The following PTPRS variants were observed in gnomAD, a reference collection of about 807,000 sequenced individuals.
PTPRS encodes receptor-type tyrosine-protein phosphatase S.
Under a neutral mutation model 215.3 loss-of-function variants are expected in PTPRS, and 63 were observed. That is an observed-to-expected ratio of 0.29 (90% confidence interval 0.24 to 0.36). The LOEUF (loss-of-function observed/expected upper bound fraction) is 0.36. Ranked by LOEUF, PTPRS falls within the 10% of genes least tolerant of loss-of-function variation. PTPRS has a pLI of 1.00. For missense variants in PTPRS, 2,258 were observed against 2,825.8 expected (o/e 0.80, Z 4.56); for synonymous variants, 1,404 against 1,191.4 (o/e 1.18, Z -3.68).
At chr19:5,273,656 G>A (rs924525743) in intron 3 of PTPRS, 73 bp from the exon 4 acceptor site, 2 of 1,572,514 alleles carry the variant, frequency 1.3e-6, no homozygotes, top group Non-Finnish European at 8.7e-7. Context: ...GGCTGGGCTA[G>A]GCTGGGCTGT....
At chr19:5,238,750 G>A (rs1366198558) in intron 13 of PTPRS, among the ~76,000 whole-genome samples, 169 bp downstream of exon 13, 5 of 152,244 alleles carry the variant, frequency 3.3e-5, no homozygotes, top group African/African-American at 9.6e-5. Context: ...GGGATACTGA[G>A]GCACAGCGCG....
intron 4 of PTPRS, among the ~76,000 whole-genome samples, chr19:5,268,922 C>T (rs962989327): frequency 6.6e-6 from 1 of 152,206 alleles, no homozygotes; most frequent in Non-Finnish European, 1.5e-5. Context: ...GGCTGGATGC[C>T]GTCTGAGGCA....
In PTPRS at chr19:5,206,197, AAGTT is replaced by A. The variant is rs1380920151; in HGVS notation, c.*573_*576del. Reference sequence around the variant, plus strand: ...CTTTGAACAGAATATGAATAAGCCAAAGTTAGTTCTCTTTGAAAGTCATTGACTG... The same window carrying A: ...CTTTGAACAGAATATGAATAAGCCAAAGTTCTCTTTGAAAGTCATTGACTG... On this transcript the variant is annotated 3_prime_UTR_variant, in exon 38 of 38. Coordinates refer to ENST00000262963, the MANE Select transcript of PTPRS (RefSeq NM_002850.4). Among the ~76,000 whole-genome samples, 1 of 151,842 alleles carries A rather than the reference AAGTT, an allele frequency of 6.6e-6. No individual in the cohort carries two copies. Among genetic ancestry groups the A allele is most frequent in the Non-Finnish European group, 1.5e-5 (1 of 67,994 alleles).
intron 4 of PTPRS, among the ~76,000 whole-genome samples, chr19:5,272,234 A>G (rs2046969918): frequency 6.6e-6 from 1 of 152,158 alleles, no homozygotes; most frequent in Admixed American, 6.6e-5. Flanking sequence ...ATTTGTTCAC[A>G]AAATTGCTTC....
At chr19:5,258,255 G>T in intron 7 of PTPRS, 128 bp from the exon 8 acceptor site, 1 of 754,770 alleles carries the variant, frequency 1.3e-6, no homozygotes, top group Non-Finnish European at 2.2e-6. Flanking sequence ...CAGATAAGAG[G>T]TGAGAAAACC....
intron 4 of PTPRS, among the ~76,000 whole-genome samples, chr19:5,272,221 A>G (rs894773554): frequency 2.0e-4 from 30 of 152,168 alleles, no homozygotes; most frequent in East Asian, 3.9e-4. Flanking sequence ...ATGCTGAACA[A>G]AAATTTGTTC....
chr19:5,243,324 T>C (rs2044207966), intron 11 of PTPRS, among the ~76,000 whole-genome samples: 1 of 149,558 alleles, frequency 6.7e-6, no homozygotes, highest in South Asian at 2.1e-4. Context: ...TTAACAGAAA[T>C]GGGGTTTCAC....
At chr19:5,273,110 C>T in intron 4 of PTPRS, 1 of 320,820 alleles carries the variant, frequency 3.1e-6, no homozygotes, top group Non-Finnish European at 5.9e-6. Context: ...AAGCCAGCCA[C>T]TCCATGGAAT....
chr19:5,296,587 G>A (rs78871930), intron 1 of PTPRS, among the ~76,000 whole-genome samples: 6,207 of 152,178 alleles, frequency 0.041, 275 homozygotes, highest in East Asian at 0.16. Context: ...GAGAGAAAGT[G>A]AAAGAGGATT....
At chr19:5,336,844 G>A (rs1290536343) in intron 1 of PTPRS, among the ~76,000 whole-genome samples, 1 of 152,132 alleles carries the variant, frequency 6.6e-6, no homozygotes, top group Non-Finnish European at 1.5e-5. Flanking sequence ...TCCCCTCCCT[G>A]GGCATCTTTT....
intron 1 of PTPRS, among the ~76,000 whole-genome samples, chr19:5,309,544 C>G (rs923806494): frequency 6.6e-6 from 1 of 152,170 alleles, no homozygotes; most frequent in African/African-American, 2.4e-5. Flanking sequence ...AACTCCATGT[C>G]TCCAGGGAGA....
At chr19:5,240,426 C>T (rs759425476) in intron 11 of PTPRS, 94 bp from the exon 12 acceptor site, 46 of 1,267,998 alleles carry the variant, frequency 3.6e-5, no homozygotes, top group Non-Finnish European at 4.5e-5. Context: ...AAGATGCCAG[C>T]TCTGGGTGCT....
chr19:5,269,965 C>CAT (rs2046767265), intron 4 of PTPRS, among the ~76,000 whole-genome samples: 1 of 143,956 alleles, frequency 6.9e-6, no homozygotes, highest in Non-Finnish European at 1.5e-5. Flanking sequence ...GCGCAGGGGG[C>CAT]ATTTTTTTCC....
At chr19:5,240,178 C>T (rs780904331) in intron 12 of PTPRS, 21 bp downstream of exon 12, 2 of 1,510,754 alleles carry the variant, frequency 1.3e-6, no homozygotes, top group Non-Finnish European at 8.9e-7. Context: ...GGCAGGCCAG[C>T]CCGTCCCCGC....
chr19:5,331,934 A>G (rs918933165), intron 1 of PTPRS, among the ~76,000 whole-genome samples: 3 of 152,296 alleles, frequency 2.0e-5, no homozygotes, highest in Non-Finnish European at 4.4e-5. Flanking sequence ...TGGTGCCTCT[A>G]AAGAACCGCA....
At chr19:5,221,505 CT>C (rs1328454760) in intron 19 of PTPRS, among the ~76,000 whole-genome samples, 8 of 152,068 alleles carry the variant, frequency 5.3e-5, no homozygotes, top group African/African-American at 1.9e-4. Flanking sequence ...TAGAAGCCCA[CT>C]TTGACTGAGC....
At chr19:5,218,638 G>C (rs555501945) in intron 24 of PTPRS, 106 bp from the exon 25 acceptor site, 1 of 1,506,316 alleles carries the variant, frequency 6.6e-7, no homozygotes, top group Non-Finnish European at 9.2e-7. Context: ...CCATGGACCC[G>C]TATGACTAGG....
At chr19:5,255,785 GCAA>G (rs2045504549) in intron 9 of PTPRS, among the ~76,000 whole-genome samples, 1 of 152,168 alleles carries the variant, frequency 6.6e-6, no homozygotes, top group Non-Finnish European at 1.5e-5. Context: ...AAAAAACTTA[GCAA>G]CAACATTACC....
At chr19:5,277,060 T>TTG (rs1339789018) in intron 2 of PTPRS, among the ~76,000 whole-genome samples, 1 of 143,030 alleles carries the variant, frequency 7.0e-6, no homozygotes, top group African/African-American at 2.7e-5. Context: ...GTTTTGTGTT[T>TTG]TTTTTTTTTT....
Sources: allele counts gnomAD v4.1 joint callset (sites outside exome capture counted in the v4.1 genomes callset), GRCh38; gene constraint gnomAD v4.1.1; transcripts MANE v1.5; gene names NCBI Gene and HGNC (gene_info 2026-07-23, HGNC 2026-07-21).